The following SMAD1 variants were observed in gnomAD, a reference collection of about 807,000 sequenced individuals.
SMAD1 encodes SMAD family member 1.
In SMAD1, 6 loss-of-function variants were observed where a neutral mutation model predicts 41.6. The observed-to-expected ratio is 0.14, with a 90% confidence interval of 0.08 to 0.28. SMAD1 has a LOEUF of 0.28. Among genes scored for constraint, SMAD1 ranks in the 10% least tolerant of loss-of-function variants. SMAD1 has a pLI of 1.00. For missense variants in SMAD1, 379 were observed against 582.6 expected (o/e 0.65, Z 3.60); for synonymous variants, 206 against 203.2 (o/e 1.01, Z -0.12).
chr4:145,553,733 T>G, intron 5 of SMAD1, 51 bp from the exon 6 acceptor site: 22 of 1,544,126 alleles, frequency 1.4e-5, no homozygotes, highest in Non-Finnish European at 2.0e-5. Flanking sequence ...CAGGTGCCTT[T>G]GAGCTGTAAA....
In SMAD1 at chr4:145,536,943, T is replaced by C. The variant is rs929689867; in HGVS notation, c.401-2861T>C. ...ACTTATCTAGTAGTCCAACCAAAAA[T>C]CTCAGAGTTTAATCACGGGGAAGCA... On this transcript the variant is annotated intron_variant, in intron 2 of 6. Coordinates refer to ENST00000302085, the MANE Select transcript of SMAD1 (RefSeq NM_005900.3). Among the ~76,000 whole-genome samples, 4 of 151,986 alleles carry C rather than the reference T, an allele frequency of 2.6e-5. No individual in the cohort carries two copies. In the East Asian group the frequency reaches 7.8e-4, roughly 29 times the overall value.
At chr4:145,516,073 T>C (rs1338880510) in intron 2 of SMAD1, among the ~76,000 whole-genome samples, 1 of 152,240 alleles carries the variant, frequency 6.6e-6, no homozygotes, top group Non-Finnish European at 1.5e-5. Context: ...AACATCTCTG[T>C]ATCCCCTACT....
chr4:145,489,226 C>G (rs1027477314), intron 1 of SMAD1, among the ~76,000 whole-genome samples: 2 of 152,188 alleles, frequency 1.3e-5, no homozygotes, highest in Admixed American at 1.3e-4. Context: ...GTGGGTGTTC[C>G]TCATGGAGCC....
At chr4:145,535,600 G>A (rs538923666) in intron 2 of SMAD1, among the ~76,000 whole-genome samples, 22 of 152,100 alleles carry the variant, frequency 1.4e-4, no homozygotes, top group Non-Finnish European at 1.5e-4. Context: ...CAGTAAAGAC[G>A]AAATAAGAAA....
chr4:145,501,270 G>A (rs1160056223), intron 1 of SMAD1, among the ~76,000 whole-genome samples: 1 of 152,218 alleles, frequency 6.6e-6, no homozygotes, highest in East Asian at 1.9e-4. Context: ...TGAATTAGGA[G>A]GGAAGTGATT....
intron 1 of SMAD1, among the ~76,000 whole-genome samples, chr4:145,484,040 G>T (rs996565347): frequency 2.0e-5 from 3 of 152,126 alleles, no homozygotes; most frequent in Non-Finnish European, 4.4e-5. Flanking sequence ...TCTCAACTAC[G>T]TTTATTACAT....
At chr4:145,526,089 A>G (rs1731002686) in intron 2 of SMAD1, among the ~76,000 whole-genome samples, 1 of 152,214 alleles carries the variant, frequency 6.6e-6, no homozygotes, top group South Asian at 2.1e-4. Flanking sequence ...TTTTTTATCT[A>G]AATTGTGGCC....
intron 5 of SMAD1, among the ~76,000 whole-genome samples, chr4:145,547,766 G>T (rs1732327834): frequency 1.3e-5 from 2 of 152,164 alleles, no homozygotes; most frequent in African/African-American, 2.4e-5. Flanking sequence ...GAGAATAGAA[G>T]TATCAGTGCA....
intron 1 of SMAD1, among the ~76,000 whole-genome samples, chr4:145,490,104 A>C (rs949479618): frequency 6.6e-6 from 1 of 152,208 alleles, no homozygotes; most frequent in African/African-American, 2.4e-5. Flanking sequence ...AGAGAGTCTT[A>C]TATTGCCTTA....
intron 2 of SMAD1, among the ~76,000 whole-genome samples, chr4:145,536,034 G>A (rs1255626375): frequency 1.3e-5 from 2 of 151,404 alleles, no homozygotes; most frequent in East Asian, 3.9e-4. Flanking sequence ...TGTCTTAGTA[G>A]GTTTATTTTA....
chr4:145,506,745 T>A (rs1198966487), intron 1 of SMAD1, among the ~76,000 whole-genome samples: 1 of 151,836 alleles, frequency 6.6e-6, no homozygotes, highest in East Asian at 1.9e-4. Flanking sequence ...TGGAAGAGAG[T>A]GTATTTTGTT....
At chr4:145,492,484 AGG>A (rs1728821585) in intron 1 of SMAD1, among the ~76,000 whole-genome samples, 1 of 152,256 alleles carries the variant, frequency 6.6e-6, no homozygotes, top group Non-Finnish European at 1.5e-5. Flanking sequence ...GTGTGGAGGA[AGG>A]GGCATGGAGC....
chr4:145,538,020 C>G (rs184108699), intron 2 of SMAD1, among the ~76,000 whole-genome samples: 1 of 152,274 alleles, frequency 6.6e-6, no homozygotes, highest in Admixed American at 6.5e-5. Context: ...GGATTGCTGT[C>G]TGGTGCTGCA....
At chr4:145,495,971 A>G (rs562578966) in intron 1 of SMAD1, among the ~76,000 whole-genome samples, 7 of 152,168 alleles carry the variant, frequency 4.6e-5, no homozygotes, top group African/African-American at 1.7e-4. Context: ...ATCATGAGAA[A>G]AGGATTATTA....
At chr4:145,544,079 G>A (rs1732105320) in intron 4 of SMAD1, 1 of 152,056 alleles carries the variant, frequency 6.6e-6, no homozygotes, top group South Asian at 2.1e-4. Flanking sequence ...CACCATAAGT[G>A]AACCCTGACG....
chr4:145,546,589 A>G (rs549938480), intron 4 of SMAD1, 114 bp from the exon 5 acceptor site: 3 of 757,988 alleles, frequency 4.0e-6, no homozygotes, highest in African/African-American at 3.5e-5. Flanking sequence ...TATAATAGCA[A>G]TTGCTTTTCC....
intron 2 of SMAD1, among the ~76,000 whole-genome samples, chr4:145,528,122 G>T (rs12504239): frequency 0.17 from 22,910 of 131,796 alleles, 2,145 homozygotes; most frequent in Middle Eastern, 0.24. Context: ...TTTTTTTTTT[G>T]AAATTGAGTC....
chr4:145,480,839 A>C (rs1187159878), upstream of SMAD1, among the ~76,000 whole-genome samples: 1 of 152,016 alleles, frequency 6.6e-6, no homozygotes, highest in East Asian at 1.9e-4. Flanking sequence ...CCACGAATTG[A>C]CCAGTAAGTG....
chr4:145,495,616 CTTTTT>C (rs58468364), intron 1 of SMAD1, among the ~76,000 whole-genome samples: 10 of 127,068 alleles, frequency 7.9e-5, no homozygotes, highest in Non-Finnish European at 1.5e-4. Context: ...AATTAATTTC[CTTTTT>C]TTTTTTTTTT....
Sources: allele counts gnomAD v4.1 joint callset (sites outside exome capture counted in the v4.1 genomes callset), GRCh38; gene constraint gnomAD v4.1.1; transcripts MANE v1.5; gene names NCBI Gene and HGNC (gene_info 2026-07-23, HGNC 2026-07-21).